The following NFAM1 variants were observed in gnomAD, a reference collection of about 807,000 sequenced individuals.
The protein encoded by NFAM1 is NFAT activating protein with ITAM motif 1, also known as NFAT activation molecule 1.
In NFAM1, 17 loss-of-function variants were observed where a neutral mutation model predicts 29.0. The observed-to-expected ratio is 0.59, with a 90% CI of 0.40 to 0.88. NFAM1 has a LOEUF of 0.88. Among genes scored for constraint, NFAM1 ranks in the 40% least tolerant of loss-of-function variants. NFAM1 has a pLI of 0.00. For missense variants in NFAM1, 324 were observed against 344.6 expected (o/e 0.94, Z 0.47); for synonymous variants, 175 against 147.2 (o/e 1.19, Z -1.36).
rs990115489 is a variant in NFAM1, at chr22:42,385,224, G to A, written c.754-4C>T. 6 of 1,597,888 alleles carry A rather than the reference G, an allele frequency of 3.8e-6. No homozygotes were observed. Among genetic ancestry groups the A allele is most frequent in the Admixed American group, 1.7e-5 (1 of 60,006 alleles). On this transcript the variant is annotated splice_region_variant and splice_polypyrimidine_tract_variant and intron_variant, in intron 5 of 5. Coordinates refer to ENST00000329021, the MANE Select transcript of NFAM1 (RefSeq NM_145912.8). ...CTTCGAATCTATGCGGTCTCTCCTG[G>A]ATAGAAAAGAAGAAAGGGAGGGAAG...
In NFAM1 at chr22:42,385,036, A is replaced by G. The variant is rs1185936275; in HGVS notation, c.*125T>C. On this transcript the variant is annotated 3_prime_UTR_variant, in exon 6 of 6. Transcript: ENST00000329021. ...CCGGCCAAGACAGGAAGGGCCTTGA[A>G]TGTGAGGGTGAAATGATGGGGTGTC... 1 of 771,850 alleles carries G rather than the reference A, an allele frequency of 1.3e-6. No individual in the cohort carries two copies. Among genetic ancestry groups the G allele is most frequent in the Admixed American group, 1.8e-5 (1 of 56,676 alleles). The allele number at this position is 771,850 out of a possible 1,614,324, so 47.8% of individuals were successfully genotyped here.
intron 3 of NFAM1, among the ~76,000 whole-genome samples, chr22:42,400,595 C>T (rs1929694141): frequency 6.6e-6 from 1 of 151,992 alleles, no homozygotes; most frequent in Non-Finnish European, 1.5e-5. Flanking sequence ...CCAGCCTGGG[C>T]AAAAAGAGTG....
intron 4 of NFAM1, among the ~76,000 whole-genome samples, chr22:42,396,659 G>A (rs982347088): frequency 1.2e-4 from 18 of 152,142 alleles, no homozygotes; most frequent in African/African-American, 3.9e-4. Flanking sequence ...CTCCGGCCAC[G>A]TGCAAAACCG....
intron 4 of NFAM1, among the ~76,000 whole-genome samples, chr22:42,395,440 C>T (rs1025093559): frequency 7.9e-5 from 12 of 151,298 alleles, no homozygotes; most frequent in African/African-American, 2.9e-4. Context: ...TGCACCGTTG[C>T]ACTCCAGCCT....
chr22:42,404,185 T>C (rs748440933), intron 3 of NFAM1, among the ~76,000 whole-genome samples: 3 of 152,106 alleles, frequency 2.0e-5, no homozygotes, highest in Non-Finnish European at 2.9e-5. Flanking sequence ...GGTGCAGGCA[T>C]TGCCCCGGGA....
chr22:42,403,059 T>C lies in NFAM1; in HGVS notation c.565-5103A>G, dbSNP rs565388060. ...TTCACCATCTTGGCCAGGCTGATCT[T>C]GAACTCCTGACCTTGTGACCACCCA... On this transcript the variant is annotated intron_variant, in intron 3 of 5. Coordinates refer to ENST00000329021, the MANE Select transcript of NFAM1 (RefSeq NM_145912.8). 2.0e-4 allele frequency among the ~76,000 whole-genome samples: 31 copies of C among 151,562 alleles called. No individual in the cohort carries two copies. The East Asian group carries it at 5.4e-3, about 26-fold the overall frequency.
At chr22:42,386,828 G>A (rs1003000436) in intron 5 of NFAM1, among the ~76,000 whole-genome samples, 161 bp downstream of exon 5, 1 of 152,176 alleles carries the variant, frequency 6.6e-6, no homozygotes, top group Non-Finnish European at 1.5e-5. Flanking sequence ...GAACTCAAAC[G>A]CACCAGTCCT....
At chr22:42,407,727 C>T (rs1569230699) in intron 3 of NFAM1, among the ~76,000 whole-genome samples, 1 of 151,964 alleles carries the variant, frequency 6.6e-6, no homozygotes, top group Non-Finnish European at 1.5e-5. Context: ...TAGCCCAGGA[C>T]CACAGGTGCA....
Position 42,390,999 on chromosome 22 carries a change from G to A in NFAM1, c.664-3921C>T, listed in dbSNP as rs973482600. 7.2e-5 allele frequency among the ~76,000 whole-genome samples: 11 copies of A among 152,212 alleles called. No homozygotes were observed. In the Middle Eastern group the frequency reaches 0.017, roughly 235 times the overall value. ...TCACAGACCTCCACTTCAAGGGATC[G>A]GAACTGACCAAGGGCTCAAAACCGC... is the stretch of plus-strand genomic sequence containing the variant. On this transcript the variant is annotated intron_variant, in intron 4 of 5. Coordinates refer to ENST00000329021, the MANE Select transcript of NFAM1 (RefSeq NM_145912.8).
upstream of NFAM1, among the ~76,000 whole-genome samples, chr22:42,434,935 C>T (rs1005794764): frequency 3.9e-5 from 6 of 152,244 alleles, no homozygotes; most frequent in African/African-American, 1.4e-4. Context: ...TGAACACCTG[C>T]CCTGCCCTGG....
At position 42,386,430 on chromosome 22, in the gene NFAM1, A is replaced by G. The variant is rs886568014; in HGVS notation, c.753+559T>C. Among the ~76,000 whole-genome samples the G allele has an allele frequency of 3.2e-5, 3 of 95,118 alleles. No homozygotes were observed. In the Admixed American group the frequency reaches 3.5e-4, roughly 11 times the overall value. The allele number at this position is 95,118 out of a possible 152,430, so 62.4% of individuals were successfully genotyped here. ...ACACACACACACACACACACACAAA[A>G]CAAAAACAAAAAAAAAGAGAGAAAG... On this transcript the variant is annotated intron_variant, in intron 5 of 5. Transcript: ENST00000329021.
intron 1 of NFAM1, among the ~76,000 whole-genome samples, chr22:42,427,522 T>C (rs1375310197): frequency 6.6e-6 from 1 of 152,226 alleles, no homozygotes; most frequent in East Asian, 1.9e-4. Context: ...AGAAGCCACA[T>C]GAGTCCGCAC....
intron 5 of NFAM1, among the ~76,000 whole-genome samples, chr22:42,385,724 A>C (rs1419817858): frequency 6.6e-6 from 1 of 152,094 alleles, no homozygotes; most frequent in Non-Finnish European, 1.5e-5. Flanking sequence ...GGACATGCCT[A>C]GTTCTCCTGT....
upstream of NFAM1, chr22:42,436,992 C>T (rs1338033511): frequency 1.0e-6 from 1 of 984,744 alleles, no homozygotes; most frequent in Non-Finnish European, 1.2e-6. Flanking sequence ...GGCTTTTCTA[C>T]TGGACACATA....
At chr22:42,395,454 C>T (rs969129198) in intron 4 of NFAM1, among the ~76,000 whole-genome samples, 8 of 149,538 alleles carry the variant, frequency 5.3e-5, no homozygotes, top group Non-Finnish European at 8.9e-5. Context: ...CCAGCCTGGG[C>T]GACAAAAGCA....
intron 1 of NFAM1, among the ~76,000 whole-genome samples, chr22:42,421,322 G>A (rs189545236): frequency 6.6e-6 from 1 of 151,804 alleles, no homozygotes; most frequent in South Asian, 2.1e-4. Flanking sequence ...GTGGTGGGGT[G>A]GTGGGCACCT....
intron 5 of NFAM1, among the ~76,000 whole-genome samples, chr22:42,385,714 G>C (rs1319530132): frequency 6.6e-6 from 1 of 152,150 alleles, no homozygotes; most frequent in African/African-American, 2.4e-5. Flanking sequence ...CAGAGGGTAG[G>C]GACATGCCTA....
upstream of NFAM1, among the ~76,000 whole-genome samples, chr22:42,436,259 T>C (rs1930937988): frequency 6.6e-6 from 1 of 152,070 alleles, no homozygotes; most frequent in South Asian, 2.1e-4. Flanking sequence ...ATCCCTCTGC[T>C]CCCCGCTGCG....
chr22:42,387,248 C>CT (rs911821043), intron 4 of NFAM1, among the ~76,000 whole-genome samples, 170 bp from the exon 5 acceptor site: 1 of 152,110 alleles, frequency 6.6e-6, no homozygotes, highest in Non-Finnish European at 1.5e-5. Flanking sequence ...CACCTTTCCC[C>CT]TTCCCTGCCT....
Sources: allele counts gnomAD v4.1 joint callset (sites outside exome capture counted in the v4.1 genomes callset), GRCh38; gene constraint gnomAD v4.1.1; transcripts MANE v1.5; gene names NCBI Gene and HGNC (gene_info 2026-07-23, HGNC 2026-07-21).